Variants in DNAH10 observed in about 807,000 individuals in gnomAD.
The protein encoded by DNAH10 is axonemal beta dynein heavy chain 10.
In DNAH10, 348 loss-of-function variants were observed where a neutral mutation model predicts 506.6. The ratio of observed to expected loss-of-function variants is 0.69; its 90% CI spans 0.63 to 0.75. The LOEUF is 0.75. DNAH10 is among the 30% of genes least tolerant of loss of function. The probability of loss-of-function intolerance (pLI) is 0.00; values close to 1 mark genes in which losing one functional copy is unlikely to be tolerated. For synonymous variants in DNAH10, 2,059 were observed against 2,198.6 expected (o/e 0.94, Z 1.78); for missense variants, 5,179 against 5,787.1 (o/e 0.89, Z 3.41).
chr12:123,885,291 T>C (rs1027624175), intron 51 of DNAH10, among the ~76,000 whole-genome samples: 4 of 152,262 alleles, frequency 2.6e-5, no homozygotes, highest in African/African-American at 9.6e-5. Flanking sequence ...TCACTGCGTC[T>C]TTCCAAGTCA....
At chr12:123,873,737 G>A (rs1952129257) in intron 46 of DNAH10, 27 bp downstream of exon 46, 1 of 1,587,256 alleles carries the variant, frequency 6.3e-7, no homozygotes, top group Non-Finnish European at 8.6e-7. Flanking sequence ...GCAGGTGGAG[G>A]GATGGGTCAA....
chr12:123,859,506 A>C (rs1013266178), intron 38 of DNAH10, among the ~76,000 whole-genome samples: 16 of 152,198 alleles, frequency 1.1e-4, no homozygotes, highest in African/African-American at 3.6e-4. Flanking sequence ...TTCATTTGTG[A>C]AATGAGAATT....
chr12:123,810,072 A>G (rs1163281378), intron 19 of DNAH10, among the ~76,000 whole-genome samples: 1 of 152,204 alleles, frequency 6.6e-6, no homozygotes, highest in Non-Finnish European at 1.5e-5. Context: ...ACTAGAATGT[A>G]AGATCCATGG....
intron 48 of DNAH10, among the ~76,000 whole-genome samples, chr12:123,879,017 C>T (rs1213571569): frequency 6.6e-6 from 1 of 152,166 alleles, no homozygotes; most frequent in African/African-American, 2.4e-5. Context: ...TTATAGACAA[C>T]GCTCTTTTTT....
In DNAH10 at chr12:123,909,815, T is replaced by G. The variant is rs1040902590; in HGVS notation, c.9997+373T>G. On this transcript the variant is annotated intron_variant, in intron 58 of 78. Transcript: ENST00000673944. This position sits in a 1 kb window ranked among gnomAD's most constrained non-coding sequence, Gnocchi z 5.4. ...AGCCCAGAGCTAGTCTGACCTTGAC[T>G]TCCCCCCTTTCTCCTCTTGTCAGTG... Among the ~76,000 whole-genome samples the G allele has an allele frequency of 6.6e-6, 1 of 152,192 alleles. No homozygotes were observed. Among genetic ancestry groups the G allele is most frequent in the Admixed American group, 6.5e-5 (1 of 15,282 alleles).
At position 123,931,658 on chromosome 12, in the gene DNAH10, C is replaced by CCGCGATGA; in HGVS notation, c.12940_12947dup (p.Tyr4317AlafsTer12). 1 of 1,613,934 alleles carries CCGCGATGA rather than the reference C, an allele frequency of 6.2e-7. No homozygotes were observed. Among genetic ancestry groups the CCGCGATGA allele is most frequent in the African/African-American group, 1.3e-5 (1 of 75,032 alleles). ...TAGGGGAATCCAGCAGTGGTATCAG[C>CCGCGATGA]CGCGATGATTATATTGGCCAAGTGG... On this transcript the variant is annotated frameshift_variant, in exon 75 of 79. Coordinates refer to ENST00000673944, the MANE Select transcript of DNAH10 (RefSeq NM_001372106.1). LOFTEE classifies it high-confidence loss of function.
At chr12:123,796,343 G>T (rs974272651) in intron 12 of DNAH10, among the ~76,000 whole-genome samples, 7 of 152,024 alleles carry the variant, frequency 4.6e-5, no homozygotes, top group African/African-American at 1.7e-4. Flanking sequence ...TGTAATCCCA[G>T]CTACTTGGGA....
At chr12:123,803,253 A>T (rs953859568) in intron 16 of DNAH10, among the ~76,000 whole-genome samples, 2 of 152,164 alleles carry the variant, frequency 1.3e-5, no homozygotes, top group African/African-American at 2.4e-5. Context: ...AGTGAGACCG[A>T]TCGTAAGTAC....
intron 72 of DNAH10, chr12:123,930,173 C>T (rs563459004): frequency 3.9e-6 from 2 of 515,610 alleles, no homozygotes; most frequent in Admixed American, 7.4e-5. Flanking sequence ...CCCAACACTT[C>T]CTGAGGGCTT....
intron 42 of DNAH10, 103 bp from the exon 43 acceptor site, chr12:123,867,800 T>C (rs1951871390): frequency 5.2e-6 from 7 of 1,355,308 alleles, no homozygotes; most frequent in South Asian, 4.1e-5. Flanking sequence ...TTGGGTCTTA[T>C]GCTCCCATCG....
In DNAH10 at chr12:123,930,454, T is replaced by C. The variant is rs535090432; in HGVS notation, c.12665T>C (p.Ile4222Thr). Residue 4222 changes from isoleucine (I) to threonine (T), a missense_variant, in exon 73 of 79, where the codon ATC becomes ACC. By Grantham distance (89) the Ile-to-Thr change is moderately conservative. Transcript: ENST00000673944. ...AGCTTTGATCGCCGCATCCTGACCA[T>C]CTACATGGATGAGTACCTGGGGGAC... The part of the protein sequence containing the change: ...IDSFDRRILT[I>T]YMDEYLGDFI... 3 of 1,603,460 alleles carry C rather than the reference T, an allele frequency of 1.9e-6. No homozygotes were observed. Among genetic ancestry groups the C allele is most frequent in the African/African-American group, 1.3e-5 (1 of 74,130 alleles).
intron 48 of DNAH10, 58 bp downstream of exon 48, chr12:123,877,966 T>G: frequency 1.3e-6 from 2 of 1,557,576 alleles, no homozygotes; most frequent in Non-Finnish European, 1.7e-6. Flanking sequence ...TTTCTTATTC[T>G]TTTAAGACAG....
In DNAH10 at chr12:123,893,237, T is replaced by C; in HGVS notation, c.9000T>C (p.Ile3000=). ...CAGCATGTCTTCCTTTTCCAGGAAT[T>C]GTACCTGCGCTTTTTTCTGAAGAGG... The part of the protein sequence containing the change: ...ELINNMLTSG[I]VPALFSEEEK... The change falls in exon 53 of 79, where the codon ATT becomes ATC. Residue 3000 remains isoleucine (I), a synonymous_variant. Transcript: ENST00000673944. 6.2e-7 allele frequency: 1 copy of C among 1,614,018 alleles called. No individual in the cohort carries two copies. The highest frequency in any genetic ancestry group is 8.5e-7 in the Non-Finnish European group (1 of 1,179,886).
intron 42 of DNAH10, 34 bp downstream of exon 42, chr12:123,867,635 A>G (rs1460420104): frequency 6.2e-7 from 1 of 1,611,056 alleles, no homozygotes; most frequent in African/African-American, 1.3e-5. Flanking sequence ...GCAAAAAGAA[A>G]TTCTTTCCTA....
At chr12:123,825,124 G>A (rs113378010) in intron 24 of DNAH10, among the ~76,000 whole-genome samples, 85 of 152,270 alleles carry the variant, frequency 5.6e-4, no homozygotes, top group African/African-American at 1.9e-3. Context: ...TTTCCAGGAG[G>A]TAGGACTGGC....
intron 33 of DNAH10, 31 bp from the exon 34 acceptor site, chr12:123,848,699 T>C: frequency 6.2e-7 from 1 of 1,611,274 alleles, no homozygotes; most frequent in Non-Finnish European, 8.5e-7. Context: ...AGATGAAAAT[T>C]GCCCTTGTCC....
intron 1 of DNAH10, among the ~76,000 whole-genome samples, chr12:123,764,916 G>C (rs1243513823): frequency 6.6e-6 from 1 of 152,058 alleles, no homozygotes; most frequent in East Asian, 1.9e-4. Context: ...GGGGAGAAGA[G>C]ACCTCATCCC....
At chr12:123,769,456 C>T (rs897985186) in intron 2 of DNAH10, among the ~76,000 whole-genome samples, 8 of 152,208 alleles carry the variant, frequency 5.3e-5, no homozygotes, top group East Asian at 1.9e-4. Flanking sequence ...GGATTACAGG[C>T]GTGAGCCACC....
Position 123,926,530 on chromosome 12 carries a change from G to A in DNAH10, c.11922-107G>A. The A allele has an allele frequency of 8.2e-7, 1 of 1,220,034 alleles. No homozygotes were observed. The highest frequency in any genetic ancestry group is 1.1e-6 in the Non-Finnish European group (1 of 880,966). The allele number at this position is 1,220,034 out of a possible 1,614,324, so 75.6% of individuals were successfully genotyped here. The stretch of plus-strand genomic sequence containing the variant: ...TGCAACGAGCTATCCCAGAGGAGTG[G>A]TCAGAAGGTTCTGGACACCGGAGGA... On this transcript the variant is annotated intron_variant, in intron 68 of 78. Coordinates refer to ENST00000673944, the MANE Select transcript of DNAH10 (RefSeq NM_001372106.1). The surrounding 1 kb of genome is among the most constrained non-coding windows in gnomAD (Gnocchi z 4.1).
Sources: allele counts gnomAD v4.1 joint callset (sites outside exome capture counted in the v4.1 genomes callset), GRCh38; gene constraint gnomAD v4.1.1; non-coding constraint Gnocchi (gnomAD v3.1); transcripts MANE v1.5; gene names NCBI Gene and HGNC (gene_info 2026-07-23, HGNC 2026-07-21).